Variants in DRC11 observed in about 807,000 individuals in gnomAD.
DRC11 encodes the protein dynein regulatory complex subunit 11, also known as IQ and AAA domain-containing protein 1.
the DRC11 span, among the ~76,000 whole-genome samples, chr2:236,491,357 G>T: frequency 1.3e-5 from 2 of 148,994 alleles, no homozygotes; most frequent in Non-Finnish European, 3.0e-5. Flanking sequence ...AGTCCTTGTG[G>T]TTTTCTGAGC....
At chr2:236,325,130 G>T in the DRC11 span, among the ~76,000 whole-genome samples, 1 of 152,082 alleles carries the variant, frequency 6.6e-6, no homozygotes, top group East Asian at 1.9e-4. This position sits in a 1 kb window ranked among gnomAD's most constrained non-coding sequence, Gnocchi z 4.4. Flanking sequence ...GTTCATATGT[G>T]GCCATGTTCA....
the DRC11 span, among the ~76,000 whole-genome samples, chr2:236,448,724 CA>C: frequency 6.6e-6 from 1 of 152,182 alleles, no homozygotes; most frequent in Non-Finnish European, 1.5e-5. The surrounding 1 kb of genome is among the most constrained non-coding windows in gnomAD (Gnocchi z 5.3). Flanking sequence ...GAGAGCAGAG[CA>C]GCTGTAAGGC....
At chr2:236,326,441 T>A in the DRC11 span, among the ~76,000 whole-genome samples, 5 of 152,238 alleles carry the variant, frequency 3.3e-5, no homozygotes, top group African/African-American at 9.6e-5. Context: ...CCCAGGACCA[T>A]CTTCCTGTCC....
At chr2:236,356,787 G>A in the DRC11 span, among the ~76,000 whole-genome samples, 2 of 151,494 alleles carry the variant, frequency 1.3e-5, no homozygotes, top group Admixed American at 6.6e-5. Context: ...CTGGGGGGTG[G>A]CGGGGGTGGT....
the DRC11 span, chr2:236,392,058 A>G: frequency 1.9e-6 from 3 of 1,613,754 alleles, no homozygotes; most frequent in Non-Finnish European, 2.5e-6. This position sits in a 1 kb window ranked among gnomAD's most constrained non-coding sequence, Gnocchi z 5.1. Context: ...TTCCTGTCTC[A>G]TCAACTCATC....
At chr2:236,340,842 T>G in the DRC11 span, among the ~76,000 whole-genome samples, 12 of 152,172 alleles carry the variant, frequency 7.9e-5, no homozygotes, top group African/African-American at 1.2e-4. Flanking sequence ...CAGAGTGACA[T>G]CCTTGCTGAT....
chr2:236,334,704 T>C, the DRC11 span, among the ~76,000 whole-genome samples: 30 of 152,276 alleles, frequency 2.0e-4, no homozygotes, highest in African/African-American at 7.0e-4. The surrounding 1 kb of genome is among the most constrained non-coding windows in gnomAD (Gnocchi z 7.8). Context: ...CATTCATTTT[T>C]ATTTGGAGTT....
the DRC11 span, among the ~76,000 whole-genome samples, chr2:236,450,525 G>C: frequency 1.3e-5 from 2 of 151,496 alleles, no homozygotes; most frequent in African/African-American, 4.9e-5. Context: ...TTACCATGTT[G>C]GTCAGGATGG....
At chr2:236,408,131 T>G in the DRC11 span, 1 of 671,094 alleles carries the variant, frequency 1.5e-6, no homozygotes, top group Non-Finnish European at 2.8e-6. This position sits in a 1 kb window ranked among gnomAD's most constrained non-coding sequence, Gnocchi z 5.5. Context: ...AGAGAGTTGA[T>G]ATTCTTGTCA....
the DRC11 span, among the ~76,000 whole-genome samples, chr2:236,374,603 G>A: frequency 9.2e-5 from 14 of 152,182 alleles, no homozygotes; most frequent in African/African-American, 1.9e-4. Context: ...AGGCAAAGGC[G>A]GAGCAAGATG....
At chr2:236,408,605 G>A in the DRC11 span, 8 of 726,994 alleles carry the variant, frequency 1.1e-5, no homozygotes, top group Non-Finnish European at 2.1e-5. The surrounding 1 kb of genome is among the most constrained non-coding windows in gnomAD (Gnocchi z 5.5). Flanking sequence ...TGACTTGGCA[G>A]TGCTTCTTCA....
the DRC11 span, among the ~76,000 whole-genome samples, chr2:236,373,335 A>C: frequency 6.6e-6 from 1 of 150,508 alleles, no homozygotes; most frequent in South Asian, 2.1e-4. Flanking sequence ...TGGCTCACGC[A>C]ACCTCCCTGG....
chr2:236,336,524 C>T, the DRC11 span, among the ~76,000 whole-genome samples: 21 of 149,470 alleles, frequency 1.4e-4, no homozygotes, highest in African/African-American at 4.8e-4. The surrounding 1 kb of genome is among the most constrained non-coding windows in gnomAD (Gnocchi z 7.3). Context: ...CTGCCACTGA[C>T]CATCATCATC....
chr2:236,487,039 G>T, the DRC11 span: 10 of 629,112 alleles, frequency 1.6e-5, no homozygotes, highest in Middle Eastern at 7.7e-4. Flanking sequence ...TGTGCTGATG[G>T]AATATTTTTT....
the DRC11 span, among the ~76,000 whole-genome samples, chr2:236,461,882 G>A: frequency 6.6e-6 from 1 of 152,266 alleles, no homozygotes; most frequent in African/African-American, 2.4e-5. The surrounding 1 kb of genome is among the most constrained non-coding windows in gnomAD (Gnocchi z 4.0). Context: ...AGAGCTCAAG[G>A]AGGAGACAGA....
At chr2:236,485,665 T>C in the DRC11 span, among the ~76,000 whole-genome samples, 1 of 152,192 alleles carries the variant, frequency 6.6e-6, no homozygotes. Context: ...TGCCTCCAAG[T>C]GCTTAAGGGA....
the DRC11 span, among the ~76,000 whole-genome samples, chr2:236,343,031 G>A: frequency 3.3e-5 from 5 of 152,156 alleles, no homozygotes; most frequent in Non-Finnish European, 5.9e-5. The surrounding 1 kb of genome is among the most constrained non-coding windows in gnomAD (Gnocchi z 6.6). Context: ...TGCGGGAATC[G>A]GGGATGGTGC....
the DRC11 span, among the ~76,000 whole-genome samples, chr2:236,482,374 C>A: frequency 6.6e-6 from 1 of 152,118 alleles, no homozygotes; most frequent in South Asian, 2.1e-4. This position sits in a 1 kb window ranked among gnomAD's most constrained non-coding sequence, Gnocchi z 4.5. Flanking sequence ...TATGCACACA[C>A]ATCTCTATTT....
At chr2:236,357,253 T>G in the DRC11 span, among the ~76,000 whole-genome samples, 1 of 101,166 alleles carries the variant, frequency 9.9e-6, no homozygotes, top group Non-Finnish European at 1.8e-5. Context: ...ATAGTATATA[T>G]CTATATATTA....
Sources: gnomAD v4.1 joint callset for allele counts (sites outside exome capture counted in the v4.1 genomes callset) on GRCh38, gnomAD v4.1.1 for gene constraint, Gnocchi (gnomAD v3.1) non-coding constraint, MANE v1.5 for transcripts, NCBI Gene and HGNC (gene_info 2026-07-23, HGNC 2026-07-21) for gene names.